Variants in MACROD2 observed in about 807,000 individuals in gnomAD.
MACROD2 encodes the protein ADP-ribose glycohydrolase MACROD2.
MACROD2 carries 36 observed loss-of-function variants against 70.4 expected under a neutral mutation model. That is an observed-to-expected ratio of 0.51 (90% CI 0.39 to 0.68). The LOEUF is 0.68. Ranked by LOEUF, MACROD2 falls within the 30% of genes least tolerant of loss-of-function variation. The pLI is 0.00. For missense variants in MACROD2, 496 were observed against 538.4 expected (o/e 0.92, Z 0.78); for synonymous variants, 172 against 178.8 (o/e 0.96, Z 0.30).
intron 5 of MACROD2, among the ~76,000 whole-genome samples, chr20:14,702,422 A>G (rs2071206967): frequency 6.6e-6 from 1 of 151,272 alleles, no homozygotes; most frequent in Non-Finnish European, 1.5e-5. Context: ...TTATATTTCT[A>G]CCAGAAGCAC....
intron 8 of MACROD2, among the ~76,000 whole-genome samples, chr20:15,829,466 T>C (rs2064031432): frequency 6.6e-6 from 1 of 152,084 alleles, no homozygotes; most frequent in Non-Finnish European, 1.5e-5. Context: ...AGGCCGTAGA[T>C]ACTATAAACT....
intron 3 of MACROD2, among the ~76,000 whole-genome samples, chr20:14,122,208 T>A (rs2148693107): frequency 6.6e-6 from 1 of 152,272 alleles, no homozygotes; most frequent in East Asian, 1.9e-4. Context: ...TCAGGAAACT[T>A]GGATTTGAAT....
At chr20:15,652,956 A>G (rs973757681) in intron 8 of MACROD2, among the ~76,000 whole-genome samples, 2 of 152,188 alleles carry the variant, frequency 1.3e-5, no homozygotes, top group African/African-American at 4.8e-5. Flanking sequence ...TTATTGCATT[A>G]TTGTTAATTG....
intron 15 of MACROD2, among the ~76,000 whole-genome samples, chr20:16,040,647 C>T (rs1220730947): frequency 1.3e-5 from 2 of 151,966 alleles, no homozygotes; most frequent in African/African-American, 4.8e-5. Context: ...AGGAAATCTA[C>T]TGACGACTAA....
intron 12 of MACROD2, among the ~76,000 whole-genome samples, chr20:15,958,466 T>C (rs1039463098): frequency 3.3e-5 from 5 of 152,192 alleles, no homozygotes; most frequent in African/African-American, 1.2e-4. Flanking sequence ...TGGTGTATTT[T>C]AAGGATCAAA....
chr20:15,308,799 GCCCGGCTTTCATGGT>G (rs2084021285), intron 6 of MACROD2, among the ~76,000 whole-genome samples: 1 of 152,146 alleles, frequency 6.6e-6, no homozygotes, highest in African/African-American at 2.4e-5. Context: ...GCTCTCTCCA[GCCCGGCTTTCATGGT>G]CCCTACTCAG....
chr20:14,310,160 A>G (rs368789994), intron 3 of MACROD2, among the ~76,000 whole-genome samples: 2 of 152,204 alleles, frequency 1.3e-5, no homozygotes, highest in African/African-American at 4.8e-5. Flanking sequence ...AGTAATGATT[A>G]TACCCTTTAA....
intron 2 of MACROD2, among the ~76,000 whole-genome samples, chr20:14,049,642 A>G (rs2148647412): frequency 6.6e-6 from 1 of 151,720 alleles, no homozygotes; most frequent in South Asian, 2.1e-4. Flanking sequence ...AATCCCAGCT[A>G]CTAAGGAGGC....
chr20:15,103,157 CAG>C (rs2123199621), intron 5 of MACROD2, among the ~76,000 whole-genome samples: 1 of 152,154 alleles, frequency 6.6e-6, no homozygotes, highest in Admixed American at 6.6e-5. Context: ...ACAAACAAAA[CAG>C]AGGAATTATT....
chr20:14,434,641 C>T (rs2084035707), intron 3 of MACROD2, among the ~76,000 whole-genome samples: 1 of 152,122 alleles, frequency 6.6e-6, no homozygotes, highest in Admixed American at 6.6e-5. Context: ...ATAAGCTTTC[C>T]CTTCTCTGTT....
rs748132702 is a variant in MACROD2 at position 14,071,973 on chromosome 20, A to G, written c.164-13648A>G. Reference sequence around the variant, plus strand: ...TACTAAACAGAATTTCAGTGTAAACAAAGTAGTATATGTATTGGGATATGA... The same window carrying G: ...TACTAAACAGAATTTCAGTGTAAACGAAGTAGTATATGTATTGGGATATGA... On this transcript the variant is annotated intron_variant, in intron 2 of 17. Transcript: ENST00000684519. 7.5e-4 allele frequency among the ~76,000 whole-genome samples: 114 copies of G among 152,256 alleles called. 1 individual carries two copies. Among genetic ancestry groups the G allele is most frequent in the Admixed American group, 2.0e-4 (3 of 15,288 alleles).
intron 3 of MACROD2, among the ~76,000 whole-genome samples, chr20:14,178,366 G>A (rs2081280448): frequency 7.0e-6 from 1 of 143,526 alleles, no homozygotes; most frequent in South Asian, 2.1e-4. Context: ...TTTTAAAAAT[G>A]AGGAACATAT....
chr20:15,332,077 T>C (rs8121124), intron 6 of MACROD2, among the ~76,000 whole-genome samples: 18,378 of 151,490 alleles, frequency 0.12, 1,431 homozygotes, highest in Middle Eastern at 0.2. Context: ...TTCAAAATGC[T>C]AAAGAAATGG....
chr20:14,614,780 A>G (rs1193959690), intron 4 of MACROD2, among the ~76,000 whole-genome samples: 1 of 152,144 alleles, frequency 6.6e-6, no homozygotes, highest in Non-Finnish European at 1.5e-5. Flanking sequence ...TGGAGTCTTG[A>G]TGCTAAACAC....
chr20:15,923,600 C>T (rs535499213), intron 10 of MACROD2, among the ~76,000 whole-genome samples: 71 of 152,302 alleles, frequency 4.7e-4, no homozygotes, highest in African/African-American at 1.6e-3. Context: ...GTCCCATCTC[C>T]GCTGAACCAG....
intron 5 of MACROD2, among the ~76,000 whole-genome samples, chr20:14,860,499 C>G (rs1354768293): frequency 6.6e-6 from 1 of 152,094 alleles, no homozygotes; most frequent in Non-Finnish European, 1.5e-5. Flanking sequence ...GGGCAGAAAA[C>G]ACCGCTGCAC....
chr20:15,427,984 A>G (rs2046320720), intron 6 of MACROD2, among the ~76,000 whole-genome samples: 1 of 152,194 alleles, frequency 6.6e-6, no homozygotes, highest in Admixed American at 6.5e-5. Flanking sequence ...CACAATGCAC[A>G]TAGCCTCCAA....
intron 4 of MACROD2, among the ~76,000 whole-genome samples, chr20:14,609,993 T>C (rs1294288891): frequency 6.6e-6 from 1 of 152,194 alleles, no homozygotes; most frequent in East Asian, 1.9e-4. Context: ...AAAGCTCATG[T>C]ATACCGCAGG....
chr20:16,035,924 A>T (rs560739036), intron 15 of MACROD2, among the ~76,000 whole-genome samples: 1 of 152,112 alleles, frequency 6.6e-6, no homozygotes, highest in South Asian at 2.1e-4. Context: ...TTCTGCTAAC[A>T]TCCCATTGGC....
Sources: allele counts gnomAD v4.1 joint callset (sites outside exome capture counted in the v4.1 genomes callset), GRCh38; gene constraint gnomAD v4.1.1; transcripts MANE v1.5; gene names NCBI Gene and HGNC (gene_info 2026-07-23, HGNC 2026-07-21).